Variants in TCEANC2 observed in about 807,000 individuals in gnomAD.
TCEANC2 encodes transcription elongation factor A N-terminal and central domain-containing protein 2.
In TCEANC2, 20 loss-of-function variants were observed where a neutral mutation model predicts 22.8. That is an observed-to-expected ratio of 0.88 (90% CI 0.62 to 1.28). TCEANC2 has a LOEUF of 1.28. Among genes scored for constraint, TCEANC2 ranks in the 50% most tolerant of loss-of-function variants. The pLI is 0.00. For missense variants in TCEANC2, 251 were observed against 249.7 expected (o/e 1.01, Z -0.03); for synonymous variants, 84 against 95.5 (o/e 0.88, Z 0.70).
chr1:54,063,702 A>G (rs1191464301), intron 2 of TCEANC2, among the ~76,000 whole-genome samples: 4 of 152,164 alleles, frequency 2.6e-5, no homozygotes, highest in Admixed American at 6.5e-5. Context: ...AAAAATCCCA[A>G]ATCCCAAATC....
chr1:54,055,791 G>A (rs1323277946), intron 2 of TCEANC2, among the ~76,000 whole-genome samples: 2 of 152,184 alleles, frequency 1.3e-5, no homozygotes, highest in African/African-American at 4.8e-5. Flanking sequence ...GTATAAACAG[G>A]CCTTACTGGT....
chr1:54,073,146 T>G (rs1658088802), intron 3 of TCEANC2, among the ~76,000 whole-genome samples: 1 of 152,050 alleles, frequency 6.6e-6, no homozygotes, highest in Admixed American at 6.6e-5. Flanking sequence ...GTTTAATGTT[T>G]TGTAGAGAAG....
In TCEANC2 at chr1:54,074,914, G is replaced by A. The variant is rs953559710; in HGVS notation, c.244+6017G>A. On this transcript the variant is annotated intron_variant, in intron 3 of 4. Transcript: ENST00000234827. The stretch of plus-strand genomic sequence containing the variant: ...GAAAGGGAATGTGGTATTGAAGAAA[G>A]TTCTGTTTTTTAAGATGGAAAAGGA... 3.4e-4 allele frequency among the ~76,000 whole-genome samples: 52 copies of A among 152,302 alleles called. No homozygotes were observed. The Middle Eastern group carries it at 0.017, about 50-fold the overall frequency.
At chr1:54,075,013 G>A (rs913139139) in intron 3 of TCEANC2, among the ~76,000 whole-genome samples, 9 of 152,156 alleles carry the variant, frequency 5.9e-5, no homozygotes. Context: ...TAATAACAGG[G>A]TGAGCCCCTT....
In TCEANC2 at chr1:54,096,146, G is replaced by A; in HGVS notation, c.439-139G>A. On this transcript the variant is annotated intron_variant, in intron 4 of 4. Coordinates refer to ENST00000234827, the MANE Select transcript of TCEANC2 (RefSeq NM_153035.3). The surrounding 1 kb of genome is among the most constrained non-coding windows in gnomAD (Gnocchi z 4.9). ...AGGGTGGAATTAATTTGCTCTTCCT[G>A]TTTCTCTTGTGACAGGAAGTAGATG... is the stretch of plus-strand genomic sequence containing the variant. 2 of 1,359,494 alleles carry A rather than the reference G, an allele frequency of 1.5e-6. No homozygotes were observed. Among genetic ancestry groups the A allele is most frequent in the Non-Finnish European group, 2.0e-6 (2 of 1,025,482 alleles). The allele number at this position is 1,359,494 out of a possible 1,614,324, so 84.2% of individuals were successfully genotyped here.
intron 2 of TCEANC2, among the ~76,000 whole-genome samples, chr1:54,060,719 C>A (rs1162724252): frequency 1.3e-5 from 2 of 151,892 alleles, no homozygotes; most frequent in South Asian, 2.1e-4. Context: ...GTGGGCAGAT[C>A]ACCTGAGGTC....
intron 4 of TCEANC2, among the ~76,000 whole-genome samples, chr1:54,095,077 T>A (rs1196830218): frequency 1.3e-5 from 2 of 152,182 alleles, no homozygotes; most frequent in African/African-American, 4.8e-5. Flanking sequence ...CCCATGAGTT[T>A]GAGCCTGCAG....
chr1:54,059,852 ATGT>A (rs1198822840), intron 2 of TCEANC2, among the ~76,000 whole-genome samples: 1 of 152,258 alleles, frequency 6.6e-6, no homozygotes, highest in Non-Finnish European at 1.5e-5. Flanking sequence ...TATTCTACAA[ATGT>A]TGTGAAACAG....
intron 4 of TCEANC2, among the ~76,000 whole-genome samples, chr1:54,091,030 G>A (rs910068467): frequency 1.3e-5 from 2 of 152,042 alleles, no homozygotes; most frequent in African/African-American, 2.4e-5. Flanking sequence ...AAAGTGATAT[G>A]TTTGTTAGTG....
At position 54,054,480 on chromosome 1, in the gene TCEANC2, T is replaced by G; in HGVS notation, c.58T>G (p.Ser20Ala). The G allele has an allele frequency of 6.2e-7, 1 of 1,613,928 alleles. No individual in the cohort carries two copies. The highest frequency in any genetic ancestry group is 8.5e-7 in the Non-Finnish European group (1 of 1,179,960). The change falls in exon 2 of 5, where the codon TCT (serine) becomes GCT (alanine). Residue 20 changes from serine (S) to alanine (A), a missense_variant. Ser to Ala is a moderately conservative substitution (Grantham distance 99). Transcript: ENST00000234827. ...CCAGAATAGCCCTCAGAAGAAAGAT[T>G]CTGGAGGAAAGGTTTACAAGCAGGC... The part of the protein sequence containing the change: ...RIQNSPQKKD[S>A]GGKVYKQATI...
At chr1:54,090,042 G>GT in intron 4 of TCEANC2, 1 of 672,234 alleles carries the variant, frequency 1.5e-6, no homozygotes. Context: ...AATCAGAATA[G>GT]AATGGAACCT....
At chr1:54,111,710 TG>T (rs1658843635) in exon 5 of TCEANC2, 1 of 152,240 alleles carries the variant, frequency 6.6e-6, no homozygotes, top group Non-Finnish European at 1.5e-5. Flanking sequence ...CATCCTCATT[TG>T]GCAAATGAAA....
intron 4 of TCEANC2, among the ~76,000 whole-genome samples, chr1:54,092,639 T>G (rs1407144706): frequency 6.6e-6 from 1 of 152,356 alleles, no homozygotes; most frequent in East Asian, 1.9e-4. Flanking sequence ...TGGTTTCAAC[T>G]CTAGCAGTCC....
chr1:54,070,286 C>CGAA (rs1380515806), intron 3 of TCEANC2, among the ~76,000 whole-genome samples: 1 of 152,046 alleles, frequency 6.6e-6, no homozygotes, highest in African/African-American at 2.4e-5. Context: ...AAAGTATTTC[C>CGAA]ACCAGTAGAG....
At chr1:54,072,820 T>G (rs1024909797) in intron 3 of TCEANC2, among the ~76,000 whole-genome samples, 1 of 152,214 alleles carries the variant, frequency 6.6e-6, no homozygotes, top group Non-Finnish European at 1.5e-5. Context: ...TATCTAGTTC[T>G]TCTGTATTCA....
Position 54,096,360 on chromosome 1 carries a change from C to T in TCEANC2, c.514C>T (p.Arg172Trp), listed in dbSNP as rs150173822. Residue 172 changes from arginine (R) to tryptophan (W), a missense_variant, in exon 5 of 5, where the codon CGG becomes TGG. Physicochemically the swap from Arg to Trp is moderately radical, Grantham distance 101. Transcript: ENST00000234827. This position sits in a 1 kb window ranked among gnomAD's most constrained non-coding sequence, Gnocchi z 4.9. Reference sequence around the variant, plus strand: ...CTCCCGCCTCATTAATGGGCCGTACCGGCGGACGGTGAGAGCCCTGGTCTT... The same window carrying T: ...CTCCCGCCTCATTAATGGGCCGTACTGGCGGACGGTGAGAGCCCTGGTCTT... ...LCSRLINGPY[R>W]RTVRALVFTL... is the part of the protein sequence containing the mutation. 9.7e-5 allele frequency: 156 copies of T among 1,612,638 alleles called. No homozygotes were observed. In the East Asian group the frequency reaches 2.9e-3, roughly 30 times the overall value.
intron 2 of TCEANC2, among the ~76,000 whole-genome samples, chr1:54,061,988 T>C (rs1007334777): frequency 2.0e-5 from 3 of 152,228 alleles, no homozygotes; most frequent in African/African-American, 7.2e-5. Flanking sequence ...CTTCTGTTGG[T>C]TGCAATAAGA....
rs1381737538 is a variant in TCEANC2 at position 54,102,408 on chromosome 1, A to T, written c.*5935A>T. 6.6e-6 allele frequency: 1 copy of T among 152,076 alleles called. No homozygotes were observed. The highest frequency in any genetic ancestry group is 1.9e-4 in the East Asian group (1 of 5,192). 9.4% of individuals were successfully genotyped at this position (152,076 alleles called of 1,614,324 possible). A position where few individuals can be genotyped will look rare whatever the true frequency, so the allele number is the denominator to read the frequency against. On this transcript the variant is annotated 3_prime_UTR_variant, in exon 5 of 5. Transcript: ENST00000234827. ...AGAATTTTATACTTCTTAAGAAACA[A>T]CTCTTGATGCTACAGGGTTCTGGTA...
chr1:54,106,882 A>G (rs1472069533), downstream of TCEANC2, among the ~76,000 whole-genome samples: 4 of 152,076 alleles, frequency 2.6e-5, no homozygotes, highest in Non-Finnish European at 4.4e-5. Flanking sequence ...TAAACTTTTT[A>G]TTTCGGAGTT....
Sources: gnomAD v4.1 joint callset for allele counts (sites outside exome capture counted in the v4.1 genomes callset) on GRCh38, gnomAD v4.1.1 for gene constraint, Gnocchi (gnomAD v3.1) non-coding constraint, MANE v1.5 for transcripts, NCBI Gene and HGNC (gene_info 2026-07-23, HGNC 2026-07-21) for gene names.